TMEM44: variants seen among roughly 807,000 people sequenced by gnomAD.
TMEM44 encodes transmembrane protein 44.
Under a neutral mutation model 47.8 loss-of-function variants are expected in TMEM44, and 43 were observed. The observed-to-expected ratio is 0.90, with a 90% confidence interval of 0.70 to 1.16. The LOEUF (loss-of-function observed/expected upper bound fraction) is 1.16, where lower values mean the gene tolerates loss of function less well. TMEM44 is among the 50% of genes most tolerant of loss of function. The probability of loss-of-function intolerance (pLI) is 0.00; values close to 1 mark genes in which losing one functional copy is unlikely to be tolerated. For synonymous variants in TMEM44, 277 were observed against 238.8 expected (o/e 1.16, Z -1.48); for missense variants, 568 against 555.2 (o/e 1.02, Z -0.23).
chr3:194,622,390 G>A (rs1716641009), intron 5 of TMEM44, among the ~76,000 whole-genome samples: 3 of 152,166 alleles, frequency 2.0e-5, no homozygotes, highest in East Asian at 1.9e-4. Context: ...TTCTTGAAGC[G>A]TGAGGAGATG....
Position 194,614,147 on chromosome 3 carries a change from A to G in TMEM44, c.912+1422T>C, listed in dbSNP as rs193279995. On this transcript the variant is annotated intron_variant, in intron 7 of 9. Transcript: ENST00000347147. The stretch of plus-strand genomic sequence containing the variant: ...CCAAAAAACAAAATAAAACAAAACA[A>G]AACAAAAAACCAAAAAAACCACAAG... Among the ~76,000 whole-genome samples the G allele has an allele frequency of 4.6e-5, 7 of 152,144 alleles. No individual in the cohort carries two copies. In the East Asian group the frequency reaches 1.4e-3, roughly 30 times the overall value.
Position 194,628,464 on chromosome 3 carries a change from C to G in TMEM44, c.183G>C (p.Ser61=), listed in dbSNP as rs144077971. The G allele has an allele frequency of 7.4e-6, 12 of 1,613,552 alleles. No individual in the cohort carries two copies. Among genetic ancestry groups the G allele is most frequent in the Non-Finnish European group, 1.0e-5 (12 of 1,179,798 alleles). ...RCAQKPRQDQ[S]ALCAACCLLT... is the part of the protein sequence containing the mutation. ...GGAGGCAGCACGCAGCACACAGTGC[C>G]GACTGGTCCTGTCTGGGTTTCTGTG... The change falls in exon 2 of 10, where the codon TCG becomes TCC. Residue 61 remains serine (S), a synonymous_variant. Transcript: ENST00000347147.
At chr3:194,600,430 GC>G (rs1713950481) in intron 9 of TMEM44, among the ~76,000 whole-genome samples, 2 of 143,452 alleles carry the variant, frequency 1.4e-5, no homozygotes, top group African/African-American at 5.0e-5. Context: ...ACCATGCCCA[GC>G]CCAGAAACAT....
Position 194,633,342 on chromosome 3 carries a change from CGAGCGCACCGACCGCGGGCA to C in TMEM44, c.-147_-128del, listed in dbSNP as rs1718039947. 1 of 352,762 alleles carries C rather than the reference CGAGCGCACCGACCGCGGGCA, an allele frequency of 2.8e-6. No homozygotes were observed. The highest frequency in any genetic ancestry group is 4.0e-6 in the Non-Finnish European group (1 of 249,572). The allele number at this position is 352,762 out of a possible 1,614,324, so 21.9% of individuals were successfully genotyped here. On this transcript the variant is annotated 5_prime_UTR_variant, in exon 1 of 10. Coordinates refer to ENST00000347147, the MANE Select transcript of TMEM44 (RefSeq NM_001011655.3). ...TCCGTTCCGCCGCGGCGCCTCCGGC[CGAGCGCACCGACCGCGGGCA>C]GAGAAGGGCGCGCTCCCGGGCGCGG...
In TMEM44 at chr3:194,628,500, A is replaced by G. The variant is rs1717417542; in HGVS notation, c.147T>C (p.Tyr49=). ...GTCTGGGTTTCTGTGCACATCTCAG[A>G]TAGAGAAGCCTGGGGTGACAGGGGT... ...CWIAAHALLL[Y]LRCAQKPRQD... The change falls in exon 2 of 10, where the codon TAT becomes TAC. Residue 49 remains tyrosine (Y), a synonymous_variant. Coordinates refer to ENST00000347147, the MANE Select transcript of TMEM44 (RefSeq NM_001011655.3). The G allele has an allele frequency of 6.2e-7, 1 of 1,612,812 alleles. No homozygotes were observed. Among genetic ancestry groups the G allele is most frequent in the Non-Finnish European group, 8.5e-7 (1 of 1,179,382 alleles).
chr3:194,629,654 C>A (rs1267870850), intron 1 of TMEM44, among the ~76,000 whole-genome samples: 2 of 151,498 alleles, frequency 1.3e-5, no homozygotes, highest in African/African-American at 4.9e-5. Context: ...TACCTGCCTC[C>A]CGAAGGGGCT....
chr3:194,616,242 G>A (rs1468517299), intron 6 of TMEM44, among the ~76,000 whole-genome samples: 2 of 152,092 alleles, frequency 1.3e-5, no homozygotes, highest in African/African-American at 2.4e-5. Context: ...AGTAGAGACC[G>A]GGTTTCACCA....
rs1313564741 is a variant in TMEM44 at position 194,611,183 on chromosome 3, C to A, written c.913-163G>T. ...CTGCTTCCTATAAGATGTGTCTTAT[C>A]TTTCTCTTCGAGGCCACAGTCATTT... On this transcript the variant is annotated intron_variant, in intron 7 of 9. Coordinates refer to ENST00000347147, the MANE Select transcript of TMEM44 (RefSeq NM_001011655.3). This position sits in a 1 kb window ranked among gnomAD's most constrained non-coding sequence, Gnocchi z 4.2. Among the ~76,000 whole-genome samples, 1 of 152,188 alleles carries A rather than the reference C, an allele frequency of 6.6e-6. No individual in the cohort carries two copies. The highest frequency in any genetic ancestry group is 1.5e-5 in the Non-Finnish European group (1 of 68,032).
At chr3:194,629,525 C>T (rs1480163750) in intron 1 of TMEM44, among the ~76,000 whole-genome samples, 1 of 152,148 alleles carries the variant, frequency 6.6e-6, no homozygotes, top group African/African-American at 2.4e-5. Context: ...CCCGAAGGGG[C>T]TGGCTGTATC....
chr3:194,622,087 A>T (rs774146322), intron 5 of TMEM44, among the ~76,000 whole-genome samples: 3 of 152,232 alleles, frequency 2.0e-5, no homozygotes, highest in Non-Finnish European at 4.4e-5. Context: ...GTGAGACAGG[A>T]ACAGTTGTCT....
At chr3:194,632,955 C>T in intron 1 of TMEM44, 124 bp downstream of exon 1, 1 of 1,333,132 alleles carries the variant, frequency 7.5e-7, no homozygotes, top group Non-Finnish European at 1.0e-6. Context: ...TCCATTGGAT[C>T]CTATTACTGA....
chr3:194,605,805 G>A (rs1259064835), intron 8 of TMEM44, among the ~76,000 whole-genome samples: 1 of 152,218 alleles, frequency 6.6e-6, no homozygotes, highest in Non-Finnish European at 1.5e-5. Context: ...TGCCTCCAGT[G>A]AGGGGGTGTC....
intron 7 of TMEM44, among the ~76,000 whole-genome samples, 155 bp downstream of exon 7, chr3:194,615,414 T>A (rs1240488616): frequency 6.6e-6 from 1 of 152,156 alleles, no homozygotes; most frequent in Non-Finnish European, 1.5e-5. Context: ...TGGCCACTAT[T>A]CCCTCAGCGA....
rs752108758 is a variant in TMEM44, at chr3:194,610,945, T to G, written c.988A>C (p.Met330Leu). ...LRTMTAISRY[M>L]ELTIEPVQQA... ...TGCACAGGCTCGATGGTCAGCTCCA[T>G]GTAGCGACTGATTGCTGTCATTGTC... The change falls in exon 8 of 10, where the codon ATG (methionine) becomes CTG (leucine). Residue 330 changes from methionine (M) to leucine (L), a missense_variant. Transcript: ENST00000347147. 1 of 1,613,934 alleles carries G rather than the reference T, an allele frequency of 6.2e-7. No homozygotes were observed. Among genetic ancestry groups the G allele is most frequent in the African/African-American group, 1.3e-5 (1 of 75,064 alleles).
intron 1 of TMEM44, 64 bp from the exon 2 acceptor site, chr3:194,628,573 T>C: frequency 6.6e-7 from 1 of 1,520,968 alleles, no homozygotes; most frequent in Non-Finnish European, 8.8e-7. Context: ...CGCATGTATC[T>C]AAAAAGGGCA....
At chr3:194,628,533 G>T in intron 1 of TMEM44, 24 bp from the exon 2 acceptor site, 1 of 1,586,736 alleles carries the variant, frequency 6.3e-7, no homozygotes, top group South Asian at 1.1e-5. Flanking sequence ...GGTGTGGACA[G>T]AACACAGCAA....
At chr3:194,626,410 G>A (rs1418080350) in intron 2 of TMEM44, among the ~76,000 whole-genome samples, 5 of 152,202 alleles carry the variant, frequency 3.3e-5, no homozygotes, top group Non-Finnish European at 7.3e-5. Flanking sequence ...GACAGTACAT[G>A]GGCAGTGTTT....
rs1261305912 is a variant in TMEM44 at position 194,611,752 on chromosome 3, T to C, written c.913-732A>G. 6.6e-6 allele frequency among the ~76,000 whole-genome samples: 1 copy of C among 152,102 alleles called. No individual in the cohort carries two copies. The highest frequency in any genetic ancestry group is 1.5e-5 in the Non-Finnish European group (1 of 68,014). On this transcript the variant is annotated intron_variant, in intron 7 of 9. Transcript: ENST00000347147. This position sits in a 1 kb window ranked among gnomAD's most constrained non-coding sequence, Gnocchi z 4.2. Reference sequence around the variant, plus strand: ...AAATACAGATTGCAGCCGGGCGCGGTGGCTCACGCCTGTAATCCCAGCACT... The same window carrying C: ...AAATACAGATTGCAGCCGGGCGCGGCGGCTCACGCCTGTAATCCCAGCACT...
intron 6 of TMEM44, among the ~76,000 whole-genome samples, chr3:194,616,254 G>A (rs985255264): frequency 2.0e-5 from 3 of 152,138 alleles, no homozygotes; most frequent in African/African-American, 7.2e-5. Context: ...GTTTCACCAT[G>A]TTGGCCAGGC....
Sources: gnomAD v4.1 joint callset for allele counts (sites outside exome capture counted in the v4.1 genomes callset) on GRCh38, gnomAD v4.1.1 for gene constraint, Gnocchi (gnomAD v3.1) non-coding constraint, MANE v1.5 for transcripts, NCBI Gene and HGNC (gene_info 2026-07-23, HGNC 2026-07-21) for gene names.